The following LEMD3 variants were observed in gnomAD, a reference collection of about 807,000 sequenced individuals.
The protein encoded by LEMD3 is inner nuclear membrane protein Man1.
A neutral mutation model predicts 95.2 loss-of-function variants in LEMD3; 33 were observed. The observed-to-expected ratio is 0.35, with a 90% CI of 0.26 to 0.46. LEMD3 has a LOEUF of 0.46. Ranked by LOEUF, LEMD3 falls within the 20% of genes least tolerant of loss-of-function variation. The pLI is 1.00. For synonymous variants in LEMD3, 525 were observed against 474.6 expected (o/e 1.11, Z -1.38); for missense variants, 1,210 against 1,192.8 (o/e 1.01, Z -0.21).
intron 1 of LEMD3, among the ~76,000 whole-genome samples, chr12:65,182,226 T>C (rs1868930454): frequency 6.6e-6 from 1 of 152,140 alleles, no homozygotes; most frequent in Non-Finnish European, 1.5e-5. Context: ...AGGCTTTATT[T>C]GGGCAAGCAA....
At chr12:65,220,762 G>A (rs1870260846) in intron 4 of LEMD3, among the ~76,000 whole-genome samples, 1 of 152,078 alleles carries the variant, frequency 6.6e-6, no homozygotes, top group African/African-American at 2.4e-5. Context: ...ATAAGATAAA[G>A]GTCCAGTTTG....
chr12:65,238,508 G>A lies in LEMD3; in HGVS notation c.1702G>A (p.Gly568Ser). Residue 568 changes from glycine to serine, a missense_variant, in exon 5 of 13, where the codon GGT becomes AGT. Coordinates refer to ENST00000308330, the MANE Select transcript of LEMD3 (RefSeq NM_014319.5). ...TCTCTATTTTTCTTGTTAGGATTTA[G>A]GTCCTGAATATGAAGGTATATTTAA... ...QEAAAYLKDL[G>S]PEYEGIFNTS... is the part of the protein sequence containing the mutation. The A allele has an allele frequency of 6.3e-7, 1 of 1,587,254 alleles. No individual in the cohort carries two copies. Among genetic ancestry groups the A allele is most frequent in the South Asian group, 1.1e-5 (1 of 90,460 alleles).
chr12:65,236,748 A>G (rs973421251), intron 4 of LEMD3, among the ~76,000 whole-genome samples: 1 of 152,122 alleles, frequency 6.6e-6, no homozygotes, highest in African/African-American at 2.4e-5. Context: ...CATATTCTAA[A>G]TGTTCATTAA....
At chr12:65,240,767 T>C in intron 8 of LEMD3, 142 bp from the exon 9 acceptor site, 1 of 712,524 alleles carries the variant, frequency 1.4e-6, no homozygotes, top group South Asian at 1.7e-5. Flanking sequence ...TGAGATGAGA[T>C]ATAGGCATCT....
intron 4 of LEMD3, among the ~76,000 whole-genome samples, chr12:65,233,752 G>A (rs922673291): frequency 1.3e-5 from 2 of 151,960 alleles, no homozygotes; most frequent in African/African-American, 2.4e-5. Context: ...CTAAAGTTTT[G>A]TTGCCTTATT....
At chr12:65,217,788 A>G (rs2136340377) in intron 3 of LEMD3, among the ~76,000 whole-genome samples, 1 of 152,268 alleles carries the variant, frequency 6.6e-6, no homozygotes, top group Admixed American at 6.5e-5. Flanking sequence ...CTTGTACCTG[A>G]TTTCCCTGTT....
chr12:65,199,630 T>G (rs1869534055), intron 1 of LEMD3, among the ~76,000 whole-genome samples: 1 of 152,174 alleles, frequency 6.6e-6, no homozygotes, highest in South Asian at 2.1e-4. Context: ...TACATTACAA[T>G]GAATCTTCTA....
At chr12:65,191,044 G>A (rs1030087597) in intron 1 of LEMD3, among the ~76,000 whole-genome samples, 2 of 151,852 alleles carry the variant, frequency 1.3e-5, no homozygotes, top group African/African-American at 2.4e-5. Context: ...TTCATCAGTC[G>A]TTCAGTCTCA....
intron 1 of LEMD3, among the ~76,000 whole-genome samples, chr12:65,195,067 G>A (rs1003885359): frequency 4.6e-5 from 7 of 151,918 alleles, no homozygotes; most frequent in African/African-American, 1.7e-4. Flanking sequence ...TTTTCTTACT[G>A]TTATAGTTTT....
chr12:65,205,860 A>C (rs950023064), intron 1 of LEMD3, among the ~76,000 whole-genome samples: 1 of 152,206 alleles, frequency 6.6e-6, no homozygotes, highest in Admixed American at 6.5e-5. Context: ...TGTCCATAAA[A>C]CTTTTCCTAT....
chr12:65,170,099 G>T lies in LEMD3; in HGVS notation c.503G>T (p.Arg168Leu). Reference sequence around the variant, plus strand: ...AAAGACCGGGCTTCGCTCCAGTACCGCGGGCTCAAAGCGCCGCCGGCGCCC... The same window carrying T: ...AAAGACCGGGCTTCGCTCCAGTACCTCGGGCTCAAAGCGCCGCCGGCGCCC... ...GRKDRASLQY[R>L]GLKAPPAPLA... Residue 168 changes from arginine to leucine, a missense_variant, in exon 1 of 13, where the codon CGC becomes CTC. Physicochemically the swap from Arg to Leu is moderately radical, Grantham distance 102 (BLOSUM62 -2). Coordinates refer to ENST00000308330, the MANE Select transcript of LEMD3 (RefSeq NM_014319.5). 6.8e-7 allele frequency: 1 copy of T among 1,465,764 alleles called. No individual in the cohort carries two copies. 90.8% of individuals were successfully genotyped at this position (1,465,764 alleles called of 1,614,324 possible).
intron 4 of LEMD3, among the ~76,000 whole-genome samples, chr12:65,232,737 G>A (rs927620623): frequency 6.6e-5 from 10 of 152,066 alleles, no homozygotes; most frequent in Non-Finnish European, 1.2e-4. Flanking sequence ...TTATATTTCC[G>A]TGAAAATACA....
At chr12:65,229,240 G>A (rs1217092770) in intron 4 of LEMD3, among the ~76,000 whole-genome samples, 2 of 152,058 alleles carry the variant, frequency 1.3e-5, no homozygotes, top group Admixed American at 1.3e-4. Flanking sequence ...CTTTATTATG[G>A]CTGAATAGTA....
In LEMD3 at chr12:65,222,728, T is replaced by C. The variant is rs563233904; in HGVS notation, c.1695+4109T>C. ...GTTCTTTTTTTAGTTCTTTGAGATG[T>C]AAAGTTAGATTTCTCATTTGAGATT... On this transcript the variant is annotated intron_variant, in intron 4 of 12. Transcript: ENST00000308330. Among the ~76,000 whole-genome samples the C allele has an allele frequency of 1.6e-3, 246 of 152,218 alleles. 1 individual carries two copies. Among genetic ancestry groups the C allele is most frequent in the African/African-American group, 5.7e-3 (236 of 41,576 alleles).
At chr12:65,176,946 A>C (rs1868738627) in intron 1 of LEMD3, among the ~76,000 whole-genome samples, 1 of 152,212 alleles carries the variant, frequency 6.6e-6, no homozygotes, top group Non-Finnish European at 1.5e-5. Flanking sequence ...TTGGTTATCT[A>C]CTTAGTATCT....
At chr12:65,189,008 T>C (rs757554190) in intron 1 of LEMD3, among the ~76,000 whole-genome samples, 9 of 152,170 alleles carry the variant, frequency 5.9e-5, no homozygotes, top group Non-Finnish European at 1.2e-4. Flanking sequence ...TGAAAATGGA[T>C]ACTATCAAAC....
At chr12:65,206,574 T>A (rs1869770457) in intron 1 of LEMD3, among the ~76,000 whole-genome samples, 1 of 152,158 alleles carries the variant, frequency 6.6e-6, no homozygotes, top group Non-Finnish European at 1.5e-5. Context: ...ATAATTTTTT[T>A]AAACTGATGC....
At chr12:65,202,367 CAT>C (rs982690984) in intron 1 of LEMD3, among the ~76,000 whole-genome samples, 12 of 151,812 alleles carry the variant, frequency 7.9e-5, no homozygotes, top group African/African-American at 2.7e-4. Context: ...TTGATAAGAT[CAT>C]GTGATTTTTT....
At chr12:65,243,245 G>A in intron 9 of LEMD3, 143 bp from the exon 10 acceptor site, 3 of 657,326 alleles carry the variant, frequency 4.6e-6, no homozygotes, top group Middle Eastern at 4.1e-4. Flanking sequence ...AGCAATGACT[G>A]TCTTACTCAC....
Sources: gnomAD v4.1 joint callset for allele counts (sites outside exome capture counted in the v4.1 genomes callset) on GRCh38, gnomAD v4.1.1 for gene constraint, MANE v1.5 for transcripts, NCBI Gene and HGNC (gene_info 2026-07-23, HGNC 2026-07-21) for gene names.